RABGAP1L: variants seen among roughly 807,000 people sequenced by gnomAD.
RABGAP1L encodes the protein rab GTPase-activating protein 1-like.
In RABGAP1L, 63 loss-of-function variants were observed where a neutral mutation model predicts 137.7. The observed-to-expected ratio is 0.46, with a 90% CI of 0.37 to 0.56. RABGAP1L has a LOEUF of 0.56. Ranked by LOEUF, RABGAP1L falls within the 20% of genes least tolerant of loss-of-function variation. The pLI, the probability that RABGAP1L is intolerant of heterozygous loss-of-function variation, is 0.00. For synonymous variants in RABGAP1L, 431 were observed against 433.7 expected (o/e 0.99, Z 0.08); for missense variants, 1,095 against 1,244.0 (o/e 0.88, Z 1.80).
At chr1:174,699,467 T>A in intron 15 of RABGAP1L, 58 bp from the exon 16 acceptor site, 1 of 1,529,956 alleles carries the variant, frequency 6.5e-7, no homozygotes, top group Non-Finnish European at 8.9e-7. Context: ...AGGAACTTTT[T>A]TGACATTCTG....
intron 18 of RABGAP1L, among the ~76,000 whole-genome samples, chr1:174,765,064 C>G (rs186096879): frequency 2.0e-5 from 3 of 152,196 alleles, no homozygotes; most frequent in Non-Finnish European, 4.4e-5. Context: ...CTCATCTGTC[C>G]GTGTTTGACC....
chr1:174,705,720 G>C (rs972707519), intron 17 of RABGAP1L: 1 of 152,080 alleles, frequency 6.6e-6, no homozygotes, highest in Admixed American at 6.6e-5. Context: ...ATTTTACAAA[G>C]GAAATTTTTG....
intron 12 of RABGAP1L, among the ~76,000 whole-genome samples, chr1:174,388,212 A>G (rs535534379): frequency 1.5e-4 from 23 of 152,200 alleles, no homozygotes; most frequent in African/African-American, 5.5e-4. Flanking sequence ...ACGTGTTTGA[A>G]AAGATTTTGA....
chr1:174,725,401 T>C (rs564279065), intron 17 of RABGAP1L, among the ~76,000 whole-genome samples: 1 of 152,274 alleles, frequency 6.6e-6, no homozygotes, highest in South Asian at 2.1e-4. Context: ...AAGAGGAATA[T>C]ATTGCAGGGA....
intron 17 of RABGAP1L, among the ~76,000 whole-genome samples, chr1:174,747,978 T>A (rs563943478): frequency 2.0e-5 from 3 of 152,240 alleles, no homozygotes; most frequent in South Asian, 4.2e-4. Context: ...GCACATACTT[T>A]ATCTTGTAGT....
Position 174,448,354 on chromosome 1 carries a change from G to C in RABGAP1L, c.1710+54209G>C, listed in dbSNP as rs1302824036. The C allele has an allele frequency of 6.2e-7, 1 of 1,613,848 alleles. No individual in the cohort carries two copies. The highest frequency in any genetic ancestry group is 8.5e-7 in the Non-Finnish European group (1 of 1,179,862). On this transcript the variant is annotated intron_variant, in intron 13 of 25. Transcript: ENST00000681986. The surrounding 1 kb of genome is among the most constrained non-coding windows in gnomAD (Gnocchi z 4.2). The stretch of plus-strand genomic sequence containing the variant: ...ATTATACTACCAGCTATTTCATTCA[G>C]ACGATGGCATATGCTGATCTTTTCG...
intron 13 of RABGAP1L, among the ~76,000 whole-genome samples, chr1:174,403,446 T>A (rs1648887692): frequency 6.6e-6 from 1 of 152,114 alleles, no homozygotes; most frequent in Non-Finnish European, 1.5e-5. Flanking sequence ...TGTATTAATT[T>A]GTGATCTTGG....
At chr1:174,868,813 C>A (rs1251047863) in intron 19 of RABGAP1L, among the ~76,000 whole-genome samples, 6 of 152,128 alleles carry the variant, frequency 3.9e-5, no homozygotes, top group Non-Finnish European at 7.4e-5. Flanking sequence ...CCAGGCCTCC[C>A]TATCAAGACT....
At chr1:174,546,908 T>A (rs1481055947) in intron 13 of RABGAP1L, among the ~76,000 whole-genome samples, 2 of 150,760 alleles carry the variant, frequency 1.3e-5, no homozygotes, top group East Asian at 3.9e-4. Context: ...CGGGCACCTG[T>A]AATCCCAGCT....
chr1:174,467,069 C>A (rs1287425609), intron 13 of RABGAP1L, among the ~76,000 whole-genome samples: 2 of 152,176 alleles, frequency 1.3e-5, no homozygotes, highest in African/African-American at 4.8e-5. Context: ...TAAATATAGT[C>A]TATTTTGGGC....
At chr1:174,520,389 G>T (rs929053752) in intron 13 of RABGAP1L, among the ~76,000 whole-genome samples, 1 of 152,206 alleles carries the variant, frequency 6.6e-6, no homozygotes, top group Admixed American at 6.5e-5. Context: ...AAGTTGTGCT[G>T]CCATAGCAAC....
At chr1:174,919,860 A>G (rs193086332) in intron 19 of RABGAP1L, among the ~76,000 whole-genome samples, 1 of 152,298 alleles carries the variant, frequency 6.6e-6, no homozygotes, top group Non-Finnish European at 1.5e-5. Flanking sequence ...TCAAAACAAA[A>G]CAAAAAAAGA....
intron 12 of RABGAP1L, among the ~76,000 whole-genome samples, chr1:174,388,597 T>G (rs1011841846): frequency 3.3e-5 from 5 of 152,030 alleles, no homozygotes; most frequent in Admixed American, 2.6e-4. Context: ...AGAATGGTAA[T>G]GCTGATGATT....
chr1:174,309,896 G>C (rs1007533441), intron 11 of RABGAP1L, among the ~76,000 whole-genome samples: 19 of 152,030 alleles, frequency 1.2e-4, no homozygotes, highest in African/African-American at 2.7e-4. Flanking sequence ...GAATTACTCT[G>C]TTCTCTTGAA....
chr1:174,972,510 T>C (rs78697350), intron 21 of RABGAP1L, among the ~76,000 whole-genome samples: 30,237 of 152,104 alleles, frequency 0.2, 3,293 homozygotes, highest in Admixed American at 0.24. Flanking sequence ...TTATAAGATA[T>C]TGTTAAGTAT....
chr1:174,633,729 G>A lies in RABGAP1L; in HGVS notation c.1711-3646G>A, dbSNP rs1415270823. Among the ~76,000 whole-genome samples the A allele has an allele frequency of 5.0e-5, 7 of 139,422 alleles. No individual in the cohort carries two copies. In the South Asian group the frequency reaches 1.7e-3, roughly 33 times the overall value. 91.5% of individuals were successfully genotyped at this position (139,422 alleles called of 152,430 possible). On this transcript the variant is annotated intron_variant, in intron 13 of 25. Coordinates refer to ENST00000681986, the MANE Select transcript of RABGAP1L (RefSeq NM_001366446.1). ...GAACAGAGCCCTCAGAAATAACGCT[G>A]CATACCTACAACTATCTGATCTTTG...
chr1:174,204,753 G>C (rs2095986), intron 1 of RABGAP1L, among the ~76,000 whole-genome samples: 9,201 of 152,198 alleles, frequency 0.06, 972 homozygotes, highest in African/African-American at 0.21. Context: ...CTCCCTTGCT[G>C]TTCTCATGGT....
intron 11 of RABGAP1L, among the ~76,000 whole-genome samples, chr1:174,350,215 G>C (rs1158335540): frequency 7.1e-6 from 1 of 140,126 alleles, no homozygotes; most frequent in Non-Finnish European, 1.6e-5. Context: ...CCTCCCGGAC[G>C]GGGTGGCTGC....
Position 174,366,074 on chromosome 1 carries a change from T to C in RABGAP1L, c.1466-4905T>C, listed in dbSNP as rs75829376. ...GTCTTTGGATCTATAAATTATTTAA[T>C]TTAGCAAACTCTAAAGCTTATAAAA... On this transcript the variant is annotated intron_variant, in intron 11 of 25. Transcript: ENST00000681986. Among the ~76,000 whole-genome samples the C allele has an allele frequency of 3.8e-3, 586 of 152,348 alleles. 6 individuals carry two copies. Among genetic ancestry groups the C allele is most frequent in the African/African-American group, 0.014 (568 of 41,582 alleles).
Sources: allele counts gnomAD v4.1 joint callset (sites outside exome capture counted in the v4.1 genomes callset), GRCh38; gene constraint gnomAD v4.1.1; non-coding constraint Gnocchi (gnomAD v3.1); transcripts MANE v1.5; gene names NCBI Gene and HGNC (gene_info 2026-07-23, HGNC 2026-07-21).